The following INVS variants were observed in gnomAD, a reference collection of about 807,000 sequenced individuals.
INVS encodes the protein inversion of embryo turning homolog.
A neutral mutation model predicts 108.8 loss-of-function variants in INVS; 86 were observed. The ratio of observed to expected loss-of-function variants is 0.79; its 90% CI spans 0.66 to 0.95. The LOEUF is 0.95. Among genes scored for constraint, INVS ranks in the 40% least tolerant of loss-of-function variants. The probability of loss-of-function intolerance (pLI) is 0.00; values close to 1 mark genes in which losing one functional copy is unlikely to be tolerated. For missense variants in INVS, 1,169 were observed against 1,297.4 expected (o/e 0.90, Z 1.52); for synonymous variants, 455 against 473.5 (o/e 0.96, Z 0.51).
chr9:100,099,324 G>GAT lies in INVS; in HGVS notation c.-113_-112dup, dbSNP rs1279179154. On this transcript the variant is annotated 5_prime_UTR_variant, in exon 1 of 17. Coordinates refer to ENST00000262457, the MANE Select transcript of INVS (RefSeq NM_014425.5). The stretch of plus-strand genomic sequence containing the variant: ...AGCGCCGTGGGGTCTGACCTGGCTG[G>GAT]ATATAGTGTACCGGCCCGGCAGGAG... 3 of 154,288 alleles carry GAT rather than the reference G, an allele frequency of 1.9e-5. No individual in the cohort carries two copies. Among genetic ancestry groups the GAT allele is most frequent in the Non-Finnish European group, 4.3e-5 (3 of 69,012 alleles). The allele number at this position is 154,288 out of a possible 1,614,324, so 9.6% of individuals were successfully genotyped here.
chr9:100,113,974 G>A (rs1827426360), intron 2 of INVS, among the ~76,000 whole-genome samples: 2 of 152,130 alleles, frequency 1.3e-5, no homozygotes, highest in South Asian at 4.1e-4. Flanking sequence ...CAACCCAGAT[G>A]TAATTACCCT....
At chr9:100,184,601 T>C (rs1164778451) in intron 3 of INVS, among the ~76,000 whole-genome samples, 1 of 152,232 alleles carries the variant, frequency 6.6e-6, no homozygotes, top group Non-Finnish European at 1.5e-5. Context: ...ATGTAATAAG[T>C]CTGTCTTCCT....
chr9:100,218,168 T>A (rs1463202259), intron 3 of INVS, among the ~76,000 whole-genome samples: 1 of 152,166 alleles, frequency 6.6e-6, no homozygotes, highest in Non-Finnish European at 1.5e-5. Flanking sequence ...TAGGCCAAAA[T>A]TTTATACCAA....
At chr9:100,116,778 C>G in intron 2 of INVS, 1 of 1,398,662 alleles carries the variant, frequency 7.1e-7, no homozygotes, top group Non-Finnish European at 9.4e-7. Context: ...ACAGCTGGAG[C>G]CTGAGTCCGC....
At chr9:100,255,024 C>A (rs1832369973) in intron 10 of INVS, among the ~76,000 whole-genome samples, 1 of 152,242 alleles carries the variant, frequency 6.6e-6, no homozygotes, top group Admixed American at 6.5e-5. Context: ...GCCATTTTCA[C>A]GATATTGATT....
intron 12 of INVS, among the ~76,000 whole-genome samples, chr9:100,274,232 C>G (rs971975052): frequency 4.6e-5 from 7 of 152,006 alleles, no homozygotes; most frequent in Non-Finnish European, 8.8e-5. Context: ...GTGGTTAGCA[C>G]CTGTTATGCC....
chr9:100,193,420 C>A (rs1347570503), intron 3 of INVS, among the ~76,000 whole-genome samples: 2 of 152,146 alleles, frequency 1.3e-5, no homozygotes, highest in Non-Finnish European at 2.9e-5. Context: ...ACATTCACAG[C>A]ATTGTGCCAC....
chr9:100,152,806 T>C (rs1293926194), intron 3 of INVS, among the ~76,000 whole-genome samples: 1 of 152,250 alleles, frequency 6.6e-6, no homozygotes, highest in Non-Finnish European at 1.5e-5. Flanking sequence ...TAGTTTATCT[T>C]AAACAATTAC....
At chr9:100,157,646 A>C (rs112748011) in intron 3 of INVS, among the ~76,000 whole-genome samples, 1 of 152,222 alleles carries the variant, frequency 6.6e-6, no homozygotes, top group African/African-American at 2.4e-5. Context: ...CACAAGAGGC[A>C]TGCATTATTT....
intron 3 of INVS, among the ~76,000 whole-genome samples, chr9:100,154,899 A>G (rs1241439319): frequency 6.6e-6 from 1 of 152,108 alleles, no homozygotes; most frequent in Non-Finnish European, 1.5e-5. Context: ...TTCGTAAATT[A>G]TTTCCATAAT....
intron 3 of INVS, among the ~76,000 whole-genome samples, chr9:100,129,521 T>C (rs536646679): frequency 6.6e-6 from 1 of 151,878 alleles, no homozygotes; most frequent in African/African-American, 2.4e-5. Context: ...CATAAAAAAA[T>C]TTTTTAAAAA....
chr9:100,269,990 T>C (rs1832902794), intron 11 of INVS, among the ~76,000 whole-genome samples: 1 of 152,218 alleles, frequency 6.6e-6, no homozygotes, highest in Non-Finnish European at 1.5e-5. Context: ...TCATGCCAAG[T>C]CTGCAACGTA....
intron 3 of INVS, among the ~76,000 whole-genome samples, chr9:100,180,498 C>T (rs1179266056): frequency 1.3e-5 from 2 of 152,136 alleles, no homozygotes; most frequent in African/African-American, 2.4e-5. Flanking sequence ...ATACCAGAAA[C>T]ACCTCTACGC....
At chr9:100,187,391 T>C (rs1400785490) in intron 3 of INVS, among the ~76,000 whole-genome samples, 2 of 152,094 alleles carry the variant, frequency 1.3e-5, no homozygotes, top group Non-Finnish European at 2.9e-5. Flanking sequence ...CTGTGAAAAA[T>C]GATGTTGGTA....
At chr9:100,100,840 A>G (rs1454383044) in intron 1 of INVS, among the ~76,000 whole-genome samples, 1 of 15,402 alleles carries the variant, frequency 6.5e-5, no homozygotes, top group African/African-American at 2.1e-4. Context: ...TATATAATAT[A>G]TATATAATAT....
intron 3 of INVS, among the ~76,000 whole-genome samples, chr9:100,191,831 T>A (rs540275491): frequency 6.6e-6 from 1 of 152,356 alleles, no homozygotes; most frequent in Non-Finnish European, 1.5e-5. Flanking sequence ...ATTTTTGAAT[T>A]TATTTTTCAT....
intron 3 of INVS, among the ~76,000 whole-genome samples, chr9:100,157,014 A>T (rs1317360732): frequency 6.6e-6 from 1 of 151,384 alleles, no homozygotes; most frequent in South Asian, 2.1e-4. Context: ...CAGGTAAATT[A>T]TTCATTGTTA....
rs548294007 is a variant in INVS, at chr9:100,160,940, G to C, written c.273+34391G>C. Among the ~76,000 whole-genome samples the C allele has an allele frequency of 4.1e-3, 466 of 114,054 alleles. 3 individuals are homozygous for C. Among genetic ancestry groups the C allele is most frequent in the African/African-American group, 0.015 (422 of 27,426 alleles). 74.8% of individuals were successfully genotyped at this position (114,054 alleles called of 152,430 possible). On this transcript the variant is annotated intron_variant, in intron 3 of 16. Coordinates refer to ENST00000262457, the MANE Select transcript of INVS (RefSeq NM_014425.5). The stretch of plus-strand genomic sequence containing the variant: ...ACTACACTCCAGCCTGGGTGACAGA[G>C]TGAGACTCTGTCTCAAAAAAAAAAA...
chr9:100,153,023 G>C (rs1272676061), intron 3 of INVS, among the ~76,000 whole-genome samples: 1 of 151,962 alleles, frequency 6.6e-6, no homozygotes, highest in Non-Finnish European at 1.5e-5. Context: ...GTGTGTGTGT[G>C]TGTGTGTGTA....
Sources: gnomAD v4.1 joint callset for allele counts (sites outside exome capture counted in the v4.1 genomes callset) on GRCh38, gnomAD v4.1.1 for gene constraint, MANE v1.5 for transcripts, NCBI Gene and HGNC (gene_info 2026-07-23, HGNC 2026-07-21) for gene names.